Variants in ADRA1B observed in about 807,000 individuals in gnomAD.
The protein encoded by ADRA1B is adrenoceptor alpha 1B.
ADRA1B carries 17 observed loss-of-function variants against 17.9 expected under a neutral mutation model. The ratio of observed to expected loss-of-function variants is 0.95; its 90% CI spans 0.65 to 1.42. The LOEUF is 1.42. Ranked by LOEUF, ADRA1B falls within the 40% of genes most tolerant of loss-of-function variation. ADRA1B has a pLI of 0.00. For synonymous variants in ADRA1B, 366 were observed against 327.6 expected, an observed-to-expected ratio of 1.12 and a Z score of -1.27; for missense variants, 681 against 722.1, an observed-to-expected ratio of 0.94 and a Z score of 0.65.
intron 1 of ADRA1B, among the ~76,000 whole-genome samples, chr5:159,965,468 C>CA (rs1755757286): frequency 6.6e-6 from 1 of 152,222 alleles, no homozygotes; most frequent in Admixed American, 6.5e-5. Context: ...CCTCACCCAG[C>CA]AGCTTCACCC....
chr5:159,984,337 C>T, the ADRA1B span, among the ~76,000 whole-genome samples: 1 of 152,128 alleles, frequency 6.6e-6, no homozygotes, highest in South Asian at 2.1e-4. Flanking sequence ...TGGCTGCTCC[C>T]CCATCTCAGG....
intron 1 of ADRA1B, among the ~76,000 whole-genome samples, chr5:159,886,872 T>C (rs1039294905): frequency 1.7e-4 from 26 of 152,110 alleles, no homozygotes; most frequent in Admixed American, 1.3e-4. Flanking sequence ...TAAATATATA[T>C]ATACATACAT....
At chr5:159,977,682 C>T (rs1026732689), downstream of ADRA1B, among the ~76,000 whole-genome samples, 2 of 152,164 alleles carry the variant, frequency 1.3e-5, no homozygotes, top group African/African-American at 2.4e-5. Flanking sequence ...GACTTCCAGC[C>T]GACTTGGCTG....
At chr5:159,984,516 G>A in the ADRA1B span, among the ~76,000 whole-genome samples, 4,302 of 152,204 alleles carry the variant, frequency 0.028, 99 homozygotes, top group Middle Eastern at 0.085. Flanking sequence ...CTGAACAACT[G>A]CAGTTGCCTC....
At chr5:159,903,414 T>G (rs78889270) in intron 1 of ADRA1B, among the ~76,000 whole-genome samples, 1 of 152,156 alleles carries the variant, frequency 6.6e-6, no homozygotes. Context: ...TAGCAAACAA[T>G]TAATAAAAGC....
the ADRA1B span, among the ~76,000 whole-genome samples, chr5:159,985,472 C>G: frequency 6.6e-6 from 1 of 152,200 alleles, no homozygotes; most frequent in Non-Finnish European, 1.5e-5. Context: ...GTCTTAATAT[C>G]TGGTCTCTGG....
intron 1 of ADRA1B, among the ~76,000 whole-genome samples, chr5:159,951,932 C>G (rs564239503): frequency 1.3e-5 from 2 of 152,202 alleles, no homozygotes; most frequent in African/African-American, 4.8e-5. Context: ...GGCATCTCTT[C>G]TCCCTCCACC....
chr5:159,923,841 G>A (rs1212863857), intron 1 of ADRA1B, among the ~76,000 whole-genome samples: 3 of 152,216 alleles, frequency 2.0e-5, no homozygotes, highest in African/African-American at 2.4e-5. Context: ...TTTCCCAGGC[G>A]ACTCTTATGC....
At chr5:159,936,213 T>C (rs1419630831) in intron 1 of ADRA1B, among the ~76,000 whole-genome samples, 1 of 152,090 alleles carries the variant, frequency 6.6e-6, no homozygotes, top group Non-Finnish European at 1.5e-5. Flanking sequence ...CATCCTACAA[T>C]GCAAAGGAGA....
rs565857043 is a variant in ADRA1B, at chr5:159,945,904, T to C, written c.950-25975T>C. On this transcript the variant is annotated intron_variant, in intron 1 of 1. Transcript: ENST00000306675. ...CTGGGACTACAGGCGCCCGCCACCA[T>C]GCCTGGCTAATTTTTTGTATTTTTA... is the stretch of plus-strand genomic sequence containing the variant. Among the ~76,000 whole-genome samples, 935 of 152,184 alleles carry C rather than the reference T, an allele frequency of 6.1e-3. 4 individuals are homozygous for C. Among genetic ancestry groups the C allele is most frequent in the South Asian group, 0.016 (75 of 4,820 alleles).
chr5:159,982,954 G>C, the ADRA1B span, among the ~76,000 whole-genome samples: 1 of 152,202 alleles, frequency 6.6e-6, no homozygotes, highest in Admixed American at 6.5e-5. Flanking sequence ...AAGATGCTCT[G>C]AACGTGCGTG....
At chr5:159,910,641 A>G (rs1754218262) in intron 1 of ADRA1B, among the ~76,000 whole-genome samples, 1 of 152,256 alleles carries the variant, frequency 6.6e-6, no homozygotes, top group Non-Finnish European at 1.5e-5. Flanking sequence ...GAAAGCAGCC[A>G]TAGACAACAC....
At chr5:159,919,897 C>G (rs1314124930) in intron 1 of ADRA1B, among the ~76,000 whole-genome samples, 1 of 152,194 alleles carries the variant, frequency 6.6e-6, no homozygotes, top group Non-Finnish European at 1.5e-5. Flanking sequence ...TCAGGAGCAA[C>G]AGAGTTCCCA....
chr5:159,975,912 G>T (rs150739066), downstream of ADRA1B, among the ~76,000 whole-genome samples: 78 of 152,278 alleles, frequency 5.1e-4, no homozygotes, highest in East Asian at 0.015. Context: ...CACCACTGAA[G>T]CATGCACAGG....
At position 159,917,264 on chromosome 5, in the gene ADRA1B, T is replaced by A; in HGVS notation, c.359T>A (p.Ile120Asn). The A allele has an allele frequency of 6.2e-7, 1 of 1,614,094 alleles. No homozygotes were observed. Among genetic ancestry groups the A allele is most frequent in the Non-Finnish European group, 8.5e-7 (1 of 1,180,024 alleles). The change falls in exon 1 of 2, where the codon ATC becomes AAC. Residue 120 changes from isoleucine to asparagine, a missense_variant. This residue lies in a region of ADRA1B where 424 missense variants were observed against 480.2 expected (regional missense o/e 0.88). Coordinates refer to ENST00000306675, the MANE Select transcript of ADRA1B (RefSeq NM_000679.4). ...GTGCTGGGGCGGATCTTCTGTGACA[T>A]CTGGGCAGCCGTGGATGTCCTGTGC... ...YWVLGRIFCD[I>N]WAAVDVLCCT...
chr5:159,866,162 C>T (rs1753650276), intron 1 of ADRA1B, among the ~76,000 whole-genome samples: 1 of 151,846 alleles, frequency 6.6e-6, no homozygotes, highest in Non-Finnish European at 1.5e-5. Flanking sequence ...TTTCATTAGC[C>T]ACCCATGGTG....
intron 1 of ADRA1B, chr5:159,951,225 G>A: frequency 2.4e-6 from 2 of 833,386 alleles, no homozygotes; most frequent in Non-Finnish European, 2.1e-6. Flanking sequence ...AACATATTCA[G>A]CGCCAGCATC....
chr5:159,870,498 G>A (rs942879549), intron 1 of ADRA1B: 1 of 152,196 alleles, frequency 6.6e-6, no homozygotes, highest in African/African-American at 2.4e-5. Flanking sequence ...TGGCCTATGG[G>A]AGATTCAAAG....
In ADRA1B at chr5:159,972,474, G is replaced by A; in HGVS notation, c.1545G>A (p.Leu515=). Residue 515 remains leucine (L), a synonymous_variant, in exon 2 of 2, where the codon CTG becomes CTA. Transcript: ENST00000306675. The part of the protein sequence containing the change: ...GQPGFKSNMP[L]APGQF ...CGGGCTTCAAAAGCAACATGCCCCTGGCGCCCGGGCAGTTTTAGGGCCCCC... is the reference window on the plus strand; with the variant it reads ...CGGGCTTCAAAAGCAACATGCCCCTAGCGCCCGGGCAGTTTTAGGGCCCCC... 1 of 1,469,022 alleles carries A rather than the reference G, an allele frequency of 6.8e-7. No individual in the cohort carries two copies. Among genetic ancestry groups the A allele is most frequent in the Non-Finnish European group, 9.0e-7 (1 of 1,110,868 alleles). The allele number at this position is 1,469,022 out of a possible 1,614,324, so 91.0% of individuals were successfully genotyped here. A position where few individuals can be genotyped will look rare whatever the true frequency, so the allele number is the denominator to read the frequency against.
Sources: allele counts gnomAD v4.1 joint callset (sites outside exome capture counted in the v4.1 genomes callset), GRCh38; gene constraint gnomAD v4.1.1; regional missense constraint gnomAD v4.1.1; transcripts MANE v1.5; gene names NCBI Gene and HGNC (gene_info 2026-07-23, HGNC 2026-07-21).